Variants in RERG observed in about 807,000 individuals in gnomAD.
RERG encodes the protein ras-related and estrogen-regulated growth inhibitor.
A neutral mutation model predicts 23.2 loss-of-function variants in RERG; 25 were observed. That is an observed-to-expected ratio of 1.08 (90% CI 0.79 to 1.50). RERG has a LOEUF of 1.50. Among genes scored for constraint, RERG ranks in the 40% most tolerant of loss-of-function variants. The probability of loss-of-function intolerance (pLI) is 0.00; values close to 1 mark genes in which losing one functional copy is unlikely to be tolerated. For synonymous variants in RERG, 81 were observed against 89.1 expected (o/e 0.91, Z 0.51); for missense variants, 253 against 250.1 (o/e 1.01, Z -0.08).
At position 15,108,941 on chromosome 12, in the gene RERG, T is replaced by C. The variant is rs931052005; in HGVS notation, c.*169A>G. Reference sequence around the variant, plus strand: ...AAGGAAGAAATTGTTAGCACTGAAATTGCATAAAACACGCTAAAACTTCCC... The same window carrying C: ...AAGGAAGAAATTGTTAGCACTGAAACTGCATAAAACACGCTAAAACTTCCC... On this transcript the variant is annotated 3_prime_UTR_variant, in exon 5 of 5. Transcript: ENST00000256953. 4 of 610,532 alleles carry C rather than the reference T, an allele frequency of 6.6e-6. No homozygotes were observed. The highest frequency in any genetic ancestry group is 5.5e-5 in the African/African-American group (3 of 54,156). The allele number at this position is 610,532 out of a possible 1,614,324, so 37.8% of individuals were successfully genotyped here.
intron 2 of RERG, among the ~76,000 whole-genome samples, chr12:15,204,731 A>G (rs1189413850): frequency 6.6e-6 from 1 of 151,898 alleles, no homozygotes; most frequent in African/African-American, 2.4e-5. Context: ...ATGGCCTGAA[A>G]AAAATGGCTA....
intron 2 of RERG, among the ~76,000 whole-genome samples, chr12:15,205,496 A>T (rs1316743338): frequency 6.6e-6 from 1 of 152,016 alleles, no homozygotes; most frequent in Non-Finnish European, 1.5e-5. Context: ...CAGACTTTGG[A>T]ACAGATCACT....
intron 2 of RERG, among the ~76,000 whole-genome samples, chr12:15,195,100 A>G (rs1213179600): frequency 6.6e-6 from 1 of 152,156 alleles, no homozygotes; most frequent in African/African-American, 2.4e-5. Flanking sequence ...AGTGGCTTGA[A>G]TAAAGCCCTT....
chr12:15,209,098 C>A (rs1366175854), intron 2 of RERG, among the ~76,000 whole-genome samples: 1 of 152,204 alleles, frequency 6.6e-6, no homozygotes, highest in East Asian at 1.9e-4. Context: ...AACTGCTGGA[C>A]TGAGTGTATT....
chr12:15,133,543 C>G (rs1398731686), intron 2 of RERG, among the ~76,000 whole-genome samples: 2 of 152,026 alleles, frequency 1.3e-5, no homozygotes, highest in East Asian at 3.9e-4. Flanking sequence ...AATAAAAGTT[C>G]TACAAATATC....
rs184552684 is a variant in RERG at position 15,173,313 on chromosome 12, T to G, written c.61+44116A>C. 8.5e-5 allele frequency among the ~76,000 whole-genome samples: 13 copies of G among 152,152 alleles called. No individual in the cohort carries two copies. In the East Asian group the frequency reaches 2.1e-3, roughly 25 times the overall value. ...GTTTATTTCTGGGCTGTCAATTCTATTCTGTTGATCTATATACCTATCCTT... is the reference window on the plus strand; with the variant it reads ...GTTTATTTCTGGGCTGTCAATTCTAGTCTGTTGATCTATATACCTATCCTT... On this transcript the variant is annotated intron_variant, in intron 2 of 4. Transcript: ENST00000256953.
chr12:15,183,660 C>G (rs1864954899), intron 2 of RERG, among the ~76,000 whole-genome samples: 1 of 152,062 alleles, frequency 6.6e-6, no homozygotes, highest in Non-Finnish European at 1.5e-5. Flanking sequence ...TATTAGAAAG[C>G]TATTAGGATA....
chr12:15,205,476 A>G (rs1019053555), intron 2 of RERG, among the ~76,000 whole-genome samples: 1 of 152,080 alleles, frequency 6.6e-6, no homozygotes, highest in Admixed American at 6.6e-5. Context: ...TTGAATGGAA[A>G]AGAAAGTCCC....
At chr12:15,182,500 C>T (rs960824186) in intron 2 of RERG, among the ~76,000 whole-genome samples, 6 of 152,140 alleles carry the variant, frequency 3.9e-5, no homozygotes, top group East Asian at 3.9e-4. Flanking sequence ...TAAAAATAAT[C>T]GAATATTGAC....
intron 2 of RERG, among the ~76,000 whole-genome samples, chr12:15,159,057 T>C (rs1482754624): frequency 6.6e-6 from 1 of 152,244 alleles, no homozygotes; most frequent in East Asian, 1.9e-4. Flanking sequence ...TTCCGAATGA[T>C]AGTTTTCTAA....
intron 1 of RERG, among the ~76,000 whole-genome samples, chr12:15,220,843 C>G (rs79992059): frequency 2.6e-5 from 4 of 152,174 alleles, no homozygotes; most frequent in Non-Finnish European, 5.9e-5. Context: ...GCAGTACCCA[C>G]AGCAAACCAG....
At chr12:15,156,140 T>A (rs892855673) in intron 2 of RERG, among the ~76,000 whole-genome samples, 2 of 152,146 alleles carry the variant, frequency 1.3e-5, no homozygotes. Context: ...GATTTCACAT[T>A]AATGATGACG....
At chr12:15,117,671 A>ACGCGCGCGCG (rs112757751) in intron 3 of RERG, among the ~76,000 whole-genome samples, 1 of 68,026 alleles carries the variant, frequency 1.5e-5, no homozygotes, top group African/African-American at 5.0e-5. Flanking sequence ...TCCATCACAC[A>ACGCGCGCGCG]CGCGCACACA....
chr12:15,124,521 ACTTTT>A lies in RERG; in HGVS notation c.62-3407_62-3403del, dbSNP rs1407785711. On this transcript the variant is annotated intron_variant, in intron 2 of 4. Coordinates refer to ENST00000256953, the MANE Select transcript of RERG (RefSeq NM_032918.3). The stretch of plus-strand genomic sequence containing the variant: ...TATCATACTTGAAAAATATGTCATT[ACTTTT>A]CTTTATAGAATTCATGAAGTAACTT... 6.6e-5 allele frequency among the ~76,000 whole-genome samples: 10 copies of A among 152,176 alleles called. No homozygotes were observed. The East Asian group carries it at 1.9e-3, about 29-fold the overall frequency.
chr12:15,148,811 T>C (rs1270108269), intron 2 of RERG, among the ~76,000 whole-genome samples: 2 of 146,096 alleles, frequency 1.4e-5, no homozygotes, highest in South Asian at 2.2e-4. Flanking sequence ...ATTTGGGCAA[T>C]AGTTTCATTA....
chr12:15,165,426 A>C (rs777621888), intron 2 of RERG, among the ~76,000 whole-genome samples: 1 of 152,192 alleles, frequency 6.6e-6, no homozygotes, highest in Non-Finnish European at 1.5e-5. Context: ...AACATAATAA[A>C]TTGTACTTCC....
intron 2 of RERG, among the ~76,000 whole-genome samples, chr12:15,122,906 C>A (rs765424150): frequency 4.0e-5 from 6 of 150,634 alleles, no homozygotes; most frequent in Non-Finnish European, 7.4e-5. Flanking sequence ...TCAAGCAATT[C>A]TCCTGCCACA....
At chr12:15,206,033 C>T (rs1334605282) in intron 2 of RERG, among the ~76,000 whole-genome samples, 1 of 152,066 alleles carries the variant, frequency 6.6e-6, no homozygotes, top group African/African-American at 2.4e-5. Context: ...TACTGAGATT[C>T]TATCAGCAGA....
intron 2 of RERG, among the ~76,000 whole-genome samples, chr12:15,127,493 T>C (rs1480425537): frequency 6.6e-6 from 1 of 152,168 alleles, no homozygotes; most frequent in Non-Finnish European, 1.5e-5. Flanking sequence ...CAAACCTGAT[T>C]GAGAAAGGCA....
Sources: allele counts gnomAD v4.1 joint callset (sites outside exome capture counted in the v4.1 genomes callset), GRCh38; gene constraint gnomAD v4.1.1; transcripts MANE v1.5; gene names NCBI Gene and HGNC (gene_info 2026-07-23, HGNC 2026-07-21).